The following PPM1H variants were observed in gnomAD, a reference collection of about 807,000 sequenced individuals.
PPM1H encodes protein phosphatase 1H.
Under a neutral mutation model 54.9 loss-of-function variants are expected in PPM1H, and 27 were observed. That is an observed-to-expected ratio of 0.49 (90% CI 0.36 to 0.68). The LOEUF (loss-of-function observed/expected upper bound fraction) is 0.68, where lower values mean the gene tolerates loss of function less well. Among genes scored for constraint, PPM1H ranks in the 30% least tolerant of loss-of-function variants. The pLI is 0.00. For synonymous variants in PPM1H, 305 were observed against 270.8 expected (o/e 1.13, Z -1.24); for missense variants, 596 against 667.8 (o/e 0.89, Z 1.19).
intron 4 of PPM1H, among the ~76,000 whole-genome samples, chr12:62,761,824 A>T (rs1414661465): frequency 3.9e-5 from 6 of 152,152 alleles, no homozygotes; most frequent in African/African-American, 1.4e-4. Context: ...GATCTGCCTT[A>T]ATTTTACCCA....
chr12:62,898,851 T>G (rs1322539626), intron 1 of PPM1H, among the ~76,000 whole-genome samples: 1 of 152,232 alleles, frequency 6.6e-6, no homozygotes, highest in African/African-American at 2.4e-5. Context: ...TTAAAGTTTG[T>G]GTACCCTCTA....
chr12:62,745,309 A>C (rs1374319379), intron 4 of PPM1H, among the ~76,000 whole-genome samples: 1 of 151,992 alleles, frequency 6.6e-6, no homozygotes, highest in Non-Finnish European at 1.5e-5. Context: ...CAATCCTCCC[A>C]CCTCAGTCTC....
intron 1 of PPM1H, among the ~76,000 whole-genome samples, chr12:62,876,895 C>T (rs1001583658): frequency 1.3e-5 from 2 of 152,134 alleles, no homozygotes; most frequent in African/African-American, 2.4e-5. Context: ...GATGTAGCTG[C>T]CACATACTAT....
intron 6 of PPM1H, among the ~76,000 whole-genome samples, chr12:62,715,445 G>C (rs2076229688): frequency 1.3e-5 from 2 of 152,096 alleles, no homozygotes; most frequent in African/African-American, 4.8e-5. Flanking sequence ...TCTGAGGAGA[G>C]GGGGAAGGGG....
At chr12:62,720,975 C>G (rs540628439) in intron 5 of PPM1H, 12 of 152,592 alleles carry the variant, frequency 7.9e-5, no homozygotes, top group Admixed American at 2.6e-4. Context: ...AGACGCAATG[C>G]TCACGTACTA....
intron 5 of PPM1H, among the ~76,000 whole-genome samples, chr12:62,736,998 C>A (rs2076353061): frequency 6.6e-6 from 1 of 152,122 alleles, no homozygotes; most frequent in African/African-American, 2.4e-5. Flanking sequence ...AACAGATTTT[C>A]TGACACCTGC....
intron 1 of PPM1H, among the ~76,000 whole-genome samples, chr12:62,862,496 C>A (rs1869638390): frequency 6.6e-6 from 1 of 152,180 alleles, no homozygotes; most frequent in Non-Finnish European, 1.5e-5. Flanking sequence ...ATCCTTAGGC[C>A]TCTTTCAAAG....
chr12:62,817,151 C>CAAAAAAA (rs1565797674), intron 2 of PPM1H, among the ~76,000 whole-genome samples: 4 of 58,920 alleles, frequency 6.8e-5, no homozygotes, highest in East Asian at 4.8e-4. Context: ...AAAAAAAAAA[C>CAAAAAAA]TAAAAAAAAG....
chr12:62,720,329 G>T, intron 5 of PPM1H, 40 bp from the exon 6 acceptor site: 1 of 1,411,992 alleles, frequency 7.1e-7, no homozygotes, highest in African/African-American at 1.4e-5. Flanking sequence ...ACACATACAC[G>T]TATTTAGAGA....
intron 1 of PPM1H, among the ~76,000 whole-genome samples, chr12:62,918,110 C>T (rs891482477): frequency 1.3e-5 from 2 of 152,186 alleles, no homozygotes; most frequent in Non-Finnish European, 2.9e-5. Flanking sequence ...AGGGCTAAGT[C>T]GATGACCTAA....
chr12:62,802,163 G>A lies in PPM1H; in HGVS notation c.412-3C>T, dbSNP rs2076774840. ...TGGCAGGAAACACCCTCGGATTCCT[G>A]TGGGAGAGGACGACAGGGAGGAGTG... On this transcript the variant is annotated splice_region_variant and splice_polypyrimidine_tract_variant and intron_variant, in intron 2 of 9. Coordinates refer to ENST00000228705, the MANE Select transcript of PPM1H (RefSeq NM_020700.2). 6.4e-7 allele frequency: 1 copy of A among 1,556,808 alleles called. No homozygotes were observed.
chr12:62,911,073 A>C (rs1871444735), intron 1 of PPM1H, among the ~76,000 whole-genome samples: 1 of 152,154 alleles, frequency 6.6e-6, no homozygotes, highest in African/African-American at 2.4e-5. Context: ...CCTACTTCCC[A>C]AGGCCTAGAA....
At chr12:62,882,092 C>T (rs984102879) in intron 1 of PPM1H, among the ~76,000 whole-genome samples, 3 of 152,192 alleles carry the variant, frequency 2.0e-5, no homozygotes, top group Admixed American at 1.3e-4. Context: ...TCCAACAATA[C>T]TAATAAATAA....
At chr12:62,687,951 G>T (rs1054186984) in intron 8 of PPM1H, among the ~76,000 whole-genome samples, 9 of 149,176 alleles carry the variant, frequency 6.0e-5, no homozygotes, top group Non-Finnish European at 7.4e-5. Context: ...GGAGGGTGCA[G>T]TGAGCCAACA....
At chr12:62,820,515 C>T (rs550879971) in intron 2 of PPM1H, among the ~76,000 whole-genome samples, 8 of 152,322 alleles carry the variant, frequency 5.3e-5, no homozygotes, top group Admixed American at 3.9e-4. Flanking sequence ...ACACCTCATA[C>T]GGCTGGGTGC....
intron 3 of PPM1H, among the ~76,000 whole-genome samples, chr12:62,792,545 C>G (rs1176223572): frequency 6.6e-6 from 1 of 152,176 alleles, no homozygotes. Context: ...CACATGTGCA[C>G]ACACACACTT....
At chr12:62,885,968 A>G (rs1426408905) in intron 1 of PPM1H, among the ~76,000 whole-genome samples, 1 of 152,230 alleles carries the variant, frequency 6.6e-6, no homozygotes, top group Non-Finnish European at 1.5e-5. Context: ...TAGTGAGATA[A>G]GCCTTACAGA....
intron 1 of PPM1H, among the ~76,000 whole-genome samples, chr12:62,874,258 C>T (rs1031191225): frequency 1.3e-5 from 2 of 152,116 alleles, no homozygotes; most frequent in African/African-American, 4.8e-5. Context: ...ACACTTAGAC[C>T]ATGACAGTGT....
chr12:62,756,433 C>CA (rs35608002), intron 4 of PPM1H, among the ~76,000 whole-genome samples: 12,872 of 137,982 alleles, frequency 0.093, 561 homozygotes, highest in East Asian at 0.15. Flanking sequence ...TGCACTCAGC[C>CA]AAAAAAAAAA....
Sources: gnomAD v4.1 joint callset for allele counts (sites outside exome capture counted in the v4.1 genomes callset) on GRCh38, gnomAD v4.1.1 for gene constraint, MANE v1.5 for transcripts, NCBI Gene and HGNC (gene_info 2026-07-23, HGNC 2026-07-21) for gene names.